MYO1D: variants seen among roughly 807,000 people sequenced by gnomAD.
MYO1D encodes the protein myosin ID, also known as unconventional myosin-Id.
MYO1D carries 83 observed loss-of-function variants against 122.0 expected under a neutral mutation model. The observed-to-expected ratio is 0.68, with a 90% CI of 0.57 to 0.82. MYO1D has a LOEUF of 0.82. MYO1D is among the 40% of genes least tolerant of loss of function. The probability of loss-of-function intolerance (pLI) is 0.00; values close to 1 mark genes in which losing one functional copy is unlikely to be tolerated. For missense variants in MYO1D, 1,157 were observed against 1,269.5 expected (o/e 0.91, Z 1.35); for synonymous variants, 464 against 446.9 (o/e 1.04, Z -0.48).
chr17:32,590,622 G>C (rs1425357487), intron 21 of MYO1D, among the ~76,000 whole-genome samples: 1 of 152,114 alleles, frequency 6.6e-6, no homozygotes, highest in East Asian at 1.9e-4. Context: ...AAATAGAACA[G>C]TGTTTGTGGC....
chr17:32,635,453 C>A (rs141446568), intron 20 of MYO1D, among the ~76,000 whole-genome samples: 3 of 152,124 alleles, frequency 2.0e-5, no homozygotes, highest in Non-Finnish European at 4.4e-5. Flanking sequence ...GTAATCCCAG[C>A]GCTTTGAGAG....
chr17:32,617,844 GAATT>G (rs1335083243), intron 20 of MYO1D, among the ~76,000 whole-genome samples: 1 of 152,070 alleles, frequency 6.6e-6, no homozygotes, highest in African/African-American at 2.4e-5. Flanking sequence ...GGATAACTAA[GAATT>G]AATTCCTTTA....
At chr17:32,643,274 A>T (rs972302039) in intron 19 of MYO1D, among the ~76,000 whole-genome samples, 2 of 152,170 alleles carry the variant, frequency 1.3e-5, no homozygotes, top group African/African-American at 4.8e-5. Flanking sequence ...GGATGAAGAC[A>T]ACTTGATCAT....
At chr17:32,663,494 A>G (rs373764824) in intron 16 of MYO1D, among the ~76,000 whole-genome samples, 5 of 152,212 alleles carry the variant, frequency 3.3e-5, no homozygotes, top group African/African-American at 9.7e-5. Context: ...AAATAAATGC[A>G]TCAGAGGTTT....
chr17:32,539,208 G>A (rs900165095), intron 21 of MYO1D, among the ~76,000 whole-genome samples: 3 of 151,596 alleles, frequency 2.0e-5, no homozygotes, highest in Admixed American at 1.3e-4. Context: ...TTGGGAGGCC[G>A]AGGCAGGAGG....
At chr17:32,536,892 A>T (rs1289845631) in intron 21 of MYO1D, among the ~76,000 whole-genome samples, 1 of 152,152 alleles carries the variant, frequency 6.6e-6, no homozygotes, top group Non-Finnish European at 1.5e-5. Flanking sequence ...CACAGTTAGA[A>T]ATCCAAGAGT....
intron 1 of MYO1D, among the ~76,000 whole-genome samples, chr17:32,818,682 T>C (rs752160743): frequency 3.9e-5 from 6 of 152,236 alleles, no homozygotes; most frequent in Non-Finnish European, 8.8e-5. Flanking sequence ...TTCTACCACT[T>C]GCTATAGCGA....
chr17:32,665,148 C>T (rs995809233), intron 16 of MYO1D, among the ~76,000 whole-genome samples: 2 of 152,120 alleles, frequency 1.3e-5, no homozygotes, highest in African/African-American at 4.8e-5. Flanking sequence ...AGTCACCTTC[C>T]CAAGGGAGGC....
chr17:32,700,441 C>A (rs1366153343), intron 16 of MYO1D, among the ~76,000 whole-genome samples: 1 of 152,192 alleles, frequency 6.6e-6, no homozygotes, highest in Non-Finnish European at 1.5e-5. Context: ...CAGTACCAGT[C>A]CGTGGCACAA....
At chr17:32,809,286 ATTT>A in intron 1 of MYO1D, among the ~76,000 whole-genome samples, 1 of 151,744 alleles carries the variant, frequency 6.6e-6, no homozygotes, top group East Asian at 1.9e-4. Flanking sequence ...ACCCAACTAA[ATTT>A]TTTTGTTTTT....
intron 16 of MYO1D, among the ~76,000 whole-genome samples, chr17:32,709,765 C>T (rs1235896247): frequency 6.6e-6 from 1 of 152,034 alleles, no homozygotes; most frequent in African/African-American, 2.4e-5. Context: ...ACAGAATCAA[C>T]AAATATAAAT....
intron 21 of MYO1D, among the ~76,000 whole-genome samples, chr17:32,541,625 C>T (rs1482397297): frequency 6.6e-6 from 1 of 152,162 alleles, no homozygotes; most frequent in Non-Finnish European, 1.5e-5. Flanking sequence ...TAGAAAGTAT[C>T]TAGAATCAGA....
At chr17:32,705,639 A>G (rs1039123137) in intron 16 of MYO1D, among the ~76,000 whole-genome samples, 1 of 152,140 alleles carries the variant, frequency 6.6e-6, no homozygotes, top group African/African-American at 2.4e-5. Flanking sequence ...TTTTTTATGC[A>G]TCGGAAAGTA....
At chr17:32,706,099 A>G (rs902486070) in intron 16 of MYO1D, among the ~76,000 whole-genome samples, 7 of 152,078 alleles carry the variant, frequency 4.6e-5, no homozygotes, top group African/African-American at 1.4e-4. Context: ...ACCTTCTACA[A>G]CTTACCAATA....
chr17:32,574,120 G>A (rs1027577610), intron 21 of MYO1D, among the ~76,000 whole-genome samples: 1 of 152,122 alleles, frequency 6.6e-6, no homozygotes, highest in Non-Finnish European at 1.5e-5. Flanking sequence ...CCAAAGTGCT[G>A]GGATTACAGG....
chr17:32,690,832 C>G (rs970266173), intron 16 of MYO1D, among the ~76,000 whole-genome samples: 1 of 152,172 alleles, frequency 6.6e-6, no homozygotes, highest in Non-Finnish European at 1.5e-5. Flanking sequence ...GCCTCTTTTC[C>G]TTATAAATTA....
chr17:32,799,544 T>C (rs545908909), intron 1 of MYO1D, among the ~76,000 whole-genome samples: 1 of 152,058 alleles, frequency 6.6e-6, no homozygotes, highest in South Asian at 2.1e-4. Flanking sequence ...AAAAATGGAT[T>C]AAAGGCTTAA....
intron 20 of MYO1D, among the ~76,000 whole-genome samples, chr17:32,607,765 G>A (rs2087646180): frequency 6.6e-6 from 1 of 151,862 alleles, no homozygotes; most frequent in South Asian, 2.1e-4. Flanking sequence ...TTAATGCTTA[G>A]TATAAAGCTA....
rs535813665 is a variant in MYO1D at position 32,694,702 on chromosome 17, C to T, written c.2121+17286G>A. ...CGGCCTGGGCGACAGAGCGAGACTC[C>T]GTCTCAAAAAAAAAAAAAAAAAAAA... On this transcript the variant is annotated intron_variant, in intron 16 of 21. Transcript: ENST00000318217. 3.1e-3 allele frequency among the ~76,000 whole-genome samples: 264 copies of T among 84,154 alleles called. 2 individuals are homozygous for T. The highest frequency in any genetic ancestry group is 0.013 in the African/African-American group (257 of 20,288). The allele number at this position is 84,154 out of a possible 152,430, so 55.2% of individuals were successfully genotyped here. A position where few individuals can be genotyped will look rare whatever the true frequency, so the allele number is the denominator to read the frequency against.
Sources: allele counts gnomAD v4.1 joint callset (sites outside exome capture counted in the v4.1 genomes callset), GRCh38; gene constraint gnomAD v4.1.1; transcripts MANE v1.5; gene names NCBI Gene and HGNC (gene_info 2026-07-23, HGNC 2026-07-21).